Variants in GRIA3 observed in about 807,000 individuals in gnomAD.
GRIA3 encodes glutamate ionotropic receptor AMPA type subunit 3.
A neutral mutation model predicts 63.0 loss-of-function variants in GRIA3; 3 were observed. The observed-to-expected ratio is 0.05, with a 90% CI of 0.02 to 0.12. GRIA3 has a LOEUF of 0.12. Ranked by LOEUF, GRIA3 falls within the 10% of genes least tolerant of loss-of-function variation. GRIA3 has a pLI of 1.00. For synonymous variants in GRIA3, 274 were observed against 257.9 expected (o/e 1.06, Z -0.60); for missense variants, 347 against 700.9 (o/e 0.50, Z 5.70).
intron 3 of GRIA3, among the ~76,000 whole-genome samples, chrX:123,311,460 G>A (rs1282436638): frequency 8.9e-6 from 1 of 112,078 alleles, no homozygotes; most frequent in Non-Finnish European, 1.9e-5. Context: ...TAATATATTT[G>A]ACTTTGTGTA....
At chrX:123,478,714 A>G (rs907533212) in intron 13 of GRIA3, among the ~76,000 whole-genome samples, 2 of 112,222 alleles carry the variant, frequency 1.8e-5, no homozygotes, top group African/African-American at 6.5e-5. Context: ...GGTCCAACTT[A>G]TCCAAAATAG....
intron 3 of GRIA3, among the ~76,000 whole-genome samples, chrX:123,304,413 T>C (rs1300804539): frequency 8.9e-6 from 1 of 111,899 alleles, no homozygotes; most frequent in Non-Finnish European, 1.9e-5. Context: ...TCACTTCTGA[T>C]GTCCTGCGAT....
At chrX:123,235,019 A>G (rs1203838948) in intron 2 of GRIA3, among the ~76,000 whole-genome samples, 1 of 111,870 alleles carries the variant, frequency 8.9e-6, no homozygotes, top group African/African-American at 3.3e-5. Flanking sequence ...CAGAAATTGG[A>G]AGCAATAAAA....
intron 2 of GRIA3, among the ~76,000 whole-genome samples, chrX:123,251,495 G>T (rs1410634240): frequency 1.8e-5 from 2 of 111,347 alleles, no homozygotes; most frequent in Non-Finnish European, 3.8e-5. Flanking sequence ...GAGTGCAGCG[G>T]CACGATCTCG....
chrX:123,260,389 TA>T (rs2044444712), intron 3 of GRIA3, among the ~76,000 whole-genome samples: 1 of 54,002 alleles, frequency 1.9e-5, no homozygotes, highest in African/African-American at 7.2e-5. Context: ...GTATCTCAAT[TA>T]TGAAAGAAAG....
chrX:123,331,874 T>C, intron 4 of GRIA3, among the ~76,000 whole-genome samples: 1 of 111,736 alleles, frequency 8.9e-6, no homozygotes, highest in Admixed American at 9.5e-5. Context: ...TTCCACTACC[T>C]TCCTTTCGTG....
At chrX:123,458,387 T>C (rs1479645430) in intron 12 of GRIA3, among the ~76,000 whole-genome samples, 2 of 109,059 alleles carry the variant, frequency 1.8e-5, no homozygotes, top group South Asian at 4.1e-4. Context: ...AGAAGTAGGA[T>C]TGGAGAGGAG....
chrX:123,236,719 TA>T (rs918346139), intron 2 of GRIA3, among the ~76,000 whole-genome samples: 15 of 108,036 alleles, frequency 1.4e-4, no homozygotes, highest in African/African-American at 3.4e-4. Context: ...GAGATAGAGC[TA>T]AAAAAAAAGG....
chrX:123,355,636 C>T (rs939994601), intron 5 of GRIA3, among the ~76,000 whole-genome samples: 5 of 111,441 alleles, frequency 4.5e-5, no homozygotes, highest in Non-Finnish European at 9.4e-5. Flanking sequence ...TGAATAATAC[C>T]ATCTCCATGA....
chrX:123,419,301 T>C (rs1421280781), intron 11 of GRIA3, among the ~76,000 whole-genome samples: 1 of 109,170 alleles, frequency 9.2e-6, no homozygotes, highest in African/African-American at 3.4e-5. Flanking sequence ...CCCAGCTACA[T>C]GAGAGGCTGA....
intron 4 of GRIA3, among the ~76,000 whole-genome samples, chrX:123,335,228 G>A (rs1417771735): frequency 9.1e-6 from 1 of 110,336 alleles, no homozygotes; most frequent in East Asian, 2.8e-4. Flanking sequence ...GTATCTTAAG[G>A]CCAGGGCACA....
intron 2 of GRIA3, among the ~76,000 whole-genome samples, chrX:123,251,686 G>A (rs776242254): frequency 4.5e-5 from 5 of 111,484 alleles, no homozygotes; most frequent in Non-Finnish European, 7.5e-5. Flanking sequence ...TGCCTGCCTT[G>A]GCCTCCCAAA....
intron 3 of GRIA3, among the ~76,000 whole-genome samples, chrX:123,266,913 T>A (rs1219869829): frequency 9.1e-6 from 1 of 110,312 alleles, no homozygotes; most frequent in Non-Finnish European, 1.9e-5. Flanking sequence ...AAATGATATA[T>A]CTTCGAAATT....
intron 2 of GRIA3, 34 bp from the exon 3 acceptor site, chrX:123,253,269 G>C: frequency 8.3e-7 from 1 of 1,205,514 alleles, no homozygotes; most frequent in South Asian, 1.8e-5. Flanking sequence ...GGACCATGGA[G>C]CTATTGAATC....
intron 5 of GRIA3, among the ~76,000 whole-genome samples, chrX:123,360,862 C>G (rs2045169178): frequency 6.2e-5 from 1 of 16,158 alleles, no homozygotes; most frequent in Non-Finnish European, 1.2e-4. Context: ...CTCTCACACA[C>G]ACACACACAC....
chrX:123,325,502 G>T (rs1182302797), intron 3 of GRIA3, among the ~76,000 whole-genome samples: 1 of 111,786 alleles, frequency 8.9e-6, no homozygotes, highest in African/African-American at 3.2e-5. Flanking sequence ...TGATATCTTT[G>T]TTATAGATTG....
chrX:123,217,388 A>G (rs1274918661), intron 2 of GRIA3, among the ~76,000 whole-genome samples: 6 of 111,868 alleles, frequency 5.4e-5, no homozygotes, highest in African/African-American at 2.0e-4. Flanking sequence ...CCTCAGCATC[A>G]GCAAAAGAAG....
intron 7 of GRIA3, among the ~76,000 whole-genome samples, chrX:123,400,203 A>G (rs1460504453): frequency 9.0e-6 from 1 of 111,122 alleles, no homozygotes; most frequent in Non-Finnish European, 1.9e-5. Flanking sequence ...AGGATAAGAT[A>G]CCAATTGGGC....
chrX:123,488,353 C>G (rs1164749173), intron 15 of GRIA3, among the ~76,000 whole-genome samples: 1 of 112,283 alleles, frequency 8.9e-6, no homozygotes, highest in Non-Finnish European at 1.9e-5. Flanking sequence ...CACTGTTTAC[C>G]CTCTGTCCTG....
Sources: allele counts gnomAD v4.1 joint callset (sites outside exome capture counted in the v4.1 genomes callset), GRCh38; gene constraint gnomAD v4.1.1; transcripts MANE v1.5; gene names NCBI Gene and HGNC (gene_info 2026-07-23, HGNC 2026-07-21).